The following ZNF107 variants were observed in gnomAD, a reference collection of about 807,000 sequenced individuals.
ZNF107 encodes the protein zinc finger protein 107.
A neutral mutation model predicts 12.3 loss-of-function variants in ZNF107; 19 were observed. The observed-to-expected ratio is 1.55, with a 90% confidence interval of 1.08 to 2.27. The LOEUF is 2.27. Ranked by LOEUF, ZNF107 falls within the 30% of genes most tolerant of loss-of-function variation. ZNF107 has a pLI of 0.00. For synonymous variants in ZNF107, 317 were observed against 330.5 expected, an observed-to-expected ratio of 0.96 and a Z score of 0.44; for missense variants, 958 against 979.9, an observed-to-expected ratio of 0.98 and a Z score of 0.30.
Position 64,706,670 on chromosome 7 carries a change from T to C in ZNF107, c.573T>C (p.His191=). 2 of 1,613,438 alleles carry C rather than the reference T, an allele frequency of 1.2e-6. No individual in the cohort carries two copies. Among genetic ancestry groups the C allele is most frequent in the Non-Finnish European group, 8.5e-7 (1 of 1,179,694 alleles). Residue 191 remains histidine, a synonymous_variant, in exon 4 of 4, where the codon CAT becomes CAC. Coordinates refer to ENST00000620827, the MANE Select transcript of ZNF107 (RefSeq NM_001282359.2). The part of the protein sequence containing the change: ...SFCVLSQLTQ[H]RRIHTRVNSY... ...GCGTGCTTTCACAACTAACTCAGCA[T>C]AGAAGAATTCATACTAGAGTGAATT... is the stretch of plus-strand genomic sequence containing the variant.
At chr7:64,696,925 G>C (rs550954947) in intron 3 of ZNF107, among the ~76,000 whole-genome samples, 1 of 151,898 alleles carries the variant, frequency 6.6e-6, no homozygotes, top group East Asian at 1.9e-4. Flanking sequence ...CCAGTAACTC[G>C]TCATTTACAT....
chr7:64,706,910 C>A lies in ZNF107; in HGVS notation c.813C>A (p.His271Gln), dbSNP rs1210120719. The A allele has an allele frequency of 2.5e-6, 4 of 1,612,134 alleles. No homozygotes were observed. In the Admixed American group the frequency reaches 5.0e-5, roughly 20 times the overall value. Residue 271 changes from histidine to glutamine, a missense_variant, in exon 4 of 4, where the codon CAC (histidine) becomes CAA (glutamine). His to Gln is a conservative substitution (Grantham distance 24). Coordinates refer to ENST00000620827, the MANE Select transcript of ZNF107 (RefSeq NM_001282359.2). ...GCAAGGCCTTTAAACAGGCCTCACA[C>A]CTTACTATACATAAAATAATTCATA... The part of the protein sequence containing the change: ...ECGKAFKQAS[H>Q]LTIHKIIHTG...
chr7:64,690,252 TA>T, intron 1 of ZNF107: 1 of 487,694 alleles, frequency 2.1e-6, no homozygotes, highest in Non-Finnish European at 2.7e-6. Flanking sequence ...TATCTTATAA[TA>T]AAATTACCCT....
At position 64,709,139 on chromosome 7, in the gene ZNF107, T is replaced by C; in HGVS notation, c.*483T>C. 4.3e-6 allele frequency: 2 copies of C among 464,166 alleles called. No homozygotes were observed. Among genetic ancestry groups the C allele is most frequent in the East Asian group, 5.8e-5 (1 of 17,238 alleles). The allele number at this position is 464,166 out of a possible 1,614,324, so 28.8% of individuals were successfully genotyped here. ...AGAGAAAGCCTACAATTGTGAAGAA[T>C]GTGGCAAAGCTTTTAACCTTCCTTA... On this transcript the variant is annotated 3_prime_UTR_variant, in exon 4 of 4. Coordinates refer to ENST00000620827, the MANE Select transcript of ZNF107 (RefSeq NM_001282359.2).
chr7:64,688,431 A>G (rs774275075), intron 1 of ZNF107, among the ~76,000 whole-genome samples: 4 of 151,708 alleles, frequency 2.6e-5, no homozygotes, highest in African/African-American at 9.7e-5. Context: ...TAATTTTTGT[A>G]TGTTTAGTGG....
chr7:64,691,912 A>G lies in ZNF107; in HGVS notation c.178A>G (p.Lys60Glu), dbSNP rs768195612. ...PYLITCLEQK[K>E]EPWNIKRHEM... ...TCTGATCACCTGTCTGGAGCAAAAA[A>G]AAGAGCCCTGGAATATAAAAAGACA... Residue 60 changes from lysine (K) to glutamate (E), a missense_variant, in exon 3 of 4, where the codon AAA (lysine) becomes GAA (glutamate). Lys to Glu is a moderately conservative substitution (Grantham distance 56, BLOSUM62 1). Transcript: ENST00000620827. The G allele has an allele frequency of 2.0e-6, 3 of 1,531,378 alleles. No homozygotes were observed. Among genetic ancestry groups the G allele is most frequent in the Non-Finnish European group, 2.6e-6 (3 of 1,144,672 alleles). The allele number at this position is 1,531,378 out of a possible 1,614,324, so 94.9% of individuals were successfully genotyped here. A position where few individuals can be genotyped will look rare whatever the true frequency, so the allele number is the denominator to read the frequency against.
intron 3 of ZNF107, among the ~76,000 whole-genome samples, chr7:64,697,975 C>T (rs1790351760): frequency 6.6e-6 from 1 of 152,072 alleles, no homozygotes; most frequent in East Asian, 1.9e-4. Flanking sequence ...CCACCGCGCC[C>T]GGCCGGTAAA....
intron 1 of ZNF107, among the ~76,000 whole-genome samples, chr7:64,672,269 C>T (rs372889223): frequency 6.6e-6 from 1 of 152,076 alleles, no homozygotes. Flanking sequence ...AAAGGACGTG[C>T]TCTTGTTCTT....
intron 3 of ZNF107, among the ~76,000 whole-genome samples, chr7:64,699,795 G>T (rs560885384): frequency 1.3e-3 from 193 of 152,134 alleles, no homozygotes; most frequent in Non-Finnish European, 2.0e-3. Context: ...TCGGCCGGGC[G>T]TGGTGGCTCA....
At chr7:64,703,651 A>G (rs1332605342) in intron 3 of ZNF107, among the ~76,000 whole-genome samples, 3 of 151,000 alleles carry the variant, frequency 2.0e-5, no homozygotes, top group Non-Finnish European at 3.0e-5. Context: ...CTGGTCTTGA[A>G]CTCCTGACCT....
chr7:64,671,779 CTTTTTTTT>C (rs1213610930), intron 1 of ZNF107, among the ~76,000 whole-genome samples: 1 of 116,560 alleles, frequency 8.6e-6, no homozygotes, highest in African/African-American at 3.3e-5. Context: ...CCTTTTTGTT[CTTTTTTTT>C]TTTTTTTTTT....
At chr7:64,697,893 C>G (rs551155206) in intron 3 of ZNF107, among the ~76,000 whole-genome samples, 1 of 152,016 alleles carries the variant, frequency 6.6e-6, no homozygotes, top group South Asian at 2.1e-4. Flanking sequence ...GGGGTTTCAC[C>G]GTGGTCTCGA....
chr7:64,684,644 T>A (rs1441954943), intron 1 of ZNF107: 5 of 985,278 alleles, frequency 5.1e-6, no homozygotes, highest in Non-Finnish European at 6.0e-6. Context: ...TTCTTCACCC[T>A]CTTCCTCCAC....
chr7:64,695,037 ACT>A (rs1181947350), intron 3 of ZNF107, among the ~76,000 whole-genome samples: 4 of 151,954 alleles, frequency 2.6e-5, no homozygotes, highest in African/African-American at 4.8e-5. Context: ...TATATTAGAG[ACT>A]CTAACCATAT....
At chr7:64,668,891 T>C (rs1789111616) in intron 1 of ZNF107, 1 of 152,114 alleles carries the variant, frequency 6.6e-6, no homozygotes, top group South Asian at 2.1e-4. Context: ...ATTGATGAGT[T>C]ACATAGATTT....
intron 1 of ZNF107, among the ~76,000 whole-genome samples, chr7:64,668,162 T>A (rs1037776580): frequency 2.6e-5 from 4 of 151,844 alleles, no homozygotes; most frequent in Admixed American, 6.6e-5. Context: ...TCTTTTTTTT[T>A]ATTATTATTA....
At chr7:64,691,205 C>T (rs1352237486) in intron 1 of ZNF107, 43 bp from the exon 2 acceptor site, 4 of 1,395,900 alleles carry the variant, frequency 2.9e-6, no homozygotes, top group Non-Finnish European at 3.7e-6. Flanking sequence ...TCAATGACAG[C>T]TTATGGCTGC....
intron 3 of ZNF107, among the ~76,000 whole-genome samples, chr7:64,704,458 A>G (rs1014744676): frequency 3.3e-5 from 5 of 151,836 alleles, no homozygotes; most frequent in African/African-American, 9.7e-5. Flanking sequence ...GTTTGCCAGG[A>G]TGGTCTCAAT....
chr7:64,704,029 C>A (rs907273185), intron 3 of ZNF107, among the ~76,000 whole-genome samples: 1 of 151,684 alleles, frequency 6.6e-6, no homozygotes, highest in Non-Finnish European at 1.5e-5. Context: ...AAAAAATCAA[C>A]TTTATTTGCA....
Sources: gnomAD v4.1 joint callset for allele counts (sites outside exome capture counted in the v4.1 genomes callset) on GRCh38, gnomAD v4.1.1 for gene constraint, MANE v1.5 for transcripts, NCBI Gene and HGNC (gene_info 2026-07-23, HGNC 2026-07-21) for gene names.